COL17A1: variants seen among roughly 807,000 people sequenced by gnomAD.
COL17A1 encodes collagen alpha-1(XVII) chain.
A neutral mutation model predicts 218.4 loss-of-function variants in COL17A1; 181 were observed. That is an observed-to-expected ratio of 0.83 (90% CI 0.73 to 0.94). The LOEUF (loss-of-function observed/expected upper bound fraction) is 0.94, where lower values mean the gene tolerates loss of function less well. Ranked by LOEUF, COL17A1 falls within the 40% of genes least tolerant of loss-of-function variation. The pLI is 0.00. For missense variants in COL17A1, 1,924 were observed against 1,945.9 expected, an observed-to-expected ratio of 0.99 and a Z score of 0.21; for synonymous variants, 721 against 731.0, an observed-to-expected ratio of 0.99 and a Z score of 0.22.
At chr10:104,076,206 G>T in intron 5 of COL17A1, 95 bp downstream of exon 5, 1 of 1,591,640 alleles carries the variant, frequency 6.3e-7, no homozygotes, top group Non-Finnish European at 8.6e-7. Flanking sequence ...AAGGTGAAGG[G>T]CAGACACAGG....
intron 1 of COL17A1, among the ~76,000 whole-genome samples, chr10:104,081,912 T>C (rs1443468280): frequency 6.6e-6 from 1 of 152,120 alleles, no homozygotes; most frequent in Non-Finnish European, 1.5e-5. Flanking sequence ...AGTTGTAAAA[T>C]AGAATTTTAA....
chr10:104,060,056 C>A (rs1231897169), intron 14 of COL17A1, 63 bp downstream of exon 14: 2 of 1,610,158 alleles, frequency 1.2e-6, no homozygotes, highest in Non-Finnish European at 1.7e-6. Flanking sequence ...CTTGCTAGGA[C>A]ATTTGGTCTC....
At chr10:104,054,219 G>A in intron 20 of COL17A1, 101 bp from the exon 21 acceptor site, 1 of 1,231,562 alleles carries the variant, frequency 8.1e-7, no homozygotes. Flanking sequence ...CCAAACTTAG[G>A]AAATAAAAAT....
chr10:104,069,927 G>T (rs1208160013), intron 9 of COL17A1, among the ~76,000 whole-genome samples: 1 of 152,114 alleles, frequency 6.6e-6, no homozygotes, highest in East Asian at 1.9e-4. Context: ...ACCCAAGAAG[G>T]AAGGGAAAAG....
chr10:104,074,027 A>T (rs1032517174), intron 6 of COL17A1, 157 bp downstream of exon 6: 5 of 1,155,020 alleles, frequency 4.3e-6, no homozygotes, highest in Non-Finnish European at 6.4e-6. Context: ...ATGCTTCAGG[A>T]TAAAAAGCAA....
At chr10:104,084,529 G>A (rs1479784979) in intron 1 of COL17A1, among the ~76,000 whole-genome samples, 1 of 152,080 alleles carries the variant, frequency 6.6e-6, no homozygotes, top group Non-Finnish European at 1.5e-5. Flanking sequence ...ATATGAGTGT[G>A]CACCACTACG....
intron 5 of COL17A1, among the ~76,000 whole-genome samples, chr10:104,075,942 T>C (rs79107968): frequency 0.017 from 2,523 of 152,378 alleles, 72 homozygotes; most frequent in African/African-American, 0.058. Context: ...ATCTACTTTA[T>C]ACAATTGTAT....
intron 37 of COL17A1, 63 bp downstream of exon 37, chr10:104,041,422 T>C: frequency 6.2e-7 from 1 of 1,601,056 alleles, no homozygotes; most frequent in Non-Finnish European, 8.5e-7. Flanking sequence ...GCTTCCTCAC[T>C]AAGTGCATTG....
intron 40 of COL17A1, 50 bp downstream of exon 40, chr10:104,040,301 A>G (rs768829248): frequency 7.6e-7 from 1 of 1,324,340 alleles, no homozygotes; most frequent in Non-Finnish European, 1.1e-6. Flanking sequence ...ACCAGCAGGT[A>G]AACAGAGGAC....
intron 9 of COL17A1, among the ~76,000 whole-genome samples, chr10:104,067,934 T>C (rs1327333898): frequency 6.7e-6 from 1 of 149,328 alleles, no homozygotes. Context: ...GGGAGAGACA[T>C]AATGTAAAAG....
Position 104,036,501 on chromosome 10 carries a change from A to AGCTGAGAATGCGACTACTCAGCTCT in COL17A1, c.3384_3408dup (p.Tyr1137ArgfsTer4). On this transcript the variant is annotated stop_gained and frameshift_variant, in exon 48 of 56. Coordinates refer to ENST00000648076, the MANE Select transcript of COL17A1 (RefSeq NM_000494.4). LOFTEE classifies it high-confidence loss of function. ...TCCTGCAGACACTTACTCGACATGT[A>AGCTGAGAATGCGACTACTCAGCTCT]GCTGAGAATGCGACTACTCAGCTCT... 2 of 1,613,840 alleles carry AGCTGAGAATGCGACTACTCAGCTCT rather than the reference A, an allele frequency of 1.2e-6. No individual in the cohort carries two copies. The highest frequency in any genetic ancestry group is 1.7e-6 in the Non-Finnish European group (2 of 1,179,902).
Position 104,070,412 on chromosome 10 carries a change from G to A in COL17A1, c.607+14C>T, listed in dbSNP as rs1589575321. The A allele has an allele frequency of 6.2e-7, 1 of 1,613,028 alleles. No individual in the cohort carries two copies. Among genetic ancestry groups the A allele is most frequent in the East Asian group, 2.2e-5 (1 of 44,888 alleles). ...TTTCTCACACTCCTCGGCAGCCTGG[G>A]CTGTCAGACTTACCCGACTGGGAGC... On this transcript the variant is annotated intron_variant, in intron 9 of 55. Transcript: ENST00000648076.
At chr10:104,061,248 T>C (rs1306028379) in intron 13 of COL17A1, among the ~76,000 whole-genome samples, 157 bp downstream of exon 13, 3 of 152,286 alleles carry the variant, frequency 2.0e-5, no homozygotes, top group Middle Eastern at 3.4e-3. Context: ...CAAGAGGCCT[T>C]TGGGGCAAGT....
At chr10:104,041,007 CTG>C in intron 39 of COL17A1, 56 bp downstream of exon 39, 1 of 1,597,306 alleles carries the variant, frequency 6.3e-7, no homozygotes, top group Non-Finnish European at 8.6e-7. Flanking sequence ...CGGCCACAGT[CTG>C]TGGCAGGACA....
chr10:104,063,378 T>C (rs1354776625), intron 11 of COL17A1, among the ~76,000 whole-genome samples: 1 of 152,254 alleles, frequency 6.6e-6, no homozygotes, highest in Non-Finnish European at 1.5e-5. Context: ...AAGTAGTTAC[T>C]CAATGAATTC....
In COL17A1 at chr10:104,032,066, A is replaced by C. The variant is rs528554217; in HGVS notation, c.*169T>G. ...TTTCAGATTGTGTATCTTTGACTGA[A>C]TTCTATAAGTATATATTGTTCAGAC... is the stretch of plus-strand genomic sequence containing the variant. On this transcript the variant is annotated 3_prime_UTR_variant, in exon 56 of 56. Transcript: ENST00000648076. 4 of 645,212 alleles carry C rather than the reference A, an allele frequency of 6.2e-6. No individual in the cohort carries two copies. Among genetic ancestry groups the C allele is most frequent in the Admixed American group, 4.7e-5 (2 of 42,550 alleles). The allele number at this position is 645,212 out of a possible 1,614,324, so 40.0% of individuals were successfully genotyped here.
In COL17A1 at chr10:104,054,137, AAG is replaced by A; in HGVS notation, c.1745-21_1745-20del. 4 of 1,602,020 alleles carry A rather than the reference AAG, an allele frequency of 2.5e-6. No individual in the cohort carries two copies. The highest frequency in any genetic ancestry group is 2.2e-5 in the East Asian group (1 of 44,654). On this transcript the variant is annotated intron_variant, in intron 20 of 55. Coordinates refer to ENST00000648076, the MANE Select transcript of COL17A1 (RefSeq NM_000494.4). ...CGATCTCCTGCAGGAACAAAGGCAA[AAG>A]AGAGAGTGGTCAGCCAGAAGACTGT...
chr10:104,056,867 C>G, intron 17 of COL17A1, 108 bp downstream of exon 17: 4 of 1,538,302 alleles, frequency 2.6e-6, no homozygotes, highest in Non-Finnish European at 3.5e-6. Context: ...TTCAGGTCCC[C>G]TCGCCCCCTA....
chr10:104,056,896 A>G, intron 17 of COL17A1, 79 bp downstream of exon 17: 1 of 1,547,074 alleles, frequency 6.5e-7, no homozygotes, highest in Non-Finnish European at 8.7e-7. Context: ...GCCCATTCAC[A>G]GATTCCTGCC....
Sources: allele counts gnomAD v4.1 joint callset (sites outside exome capture counted in the v4.1 genomes callset), GRCh38; gene constraint gnomAD v4.1.1; transcripts MANE v1.5; gene names NCBI Gene and HGNC (gene_info 2026-07-23, HGNC 2026-07-21).